The following CD2AP variants were observed in gnomAD, a reference collection of about 807,000 sequenced individuals.
CD2AP encodes the protein CD2 associated protein.
Under a neutral mutation model 85.1 loss-of-function variants are expected in CD2AP, and 46 were observed. The ratio of observed to expected loss-of-function variants is 0.54; its 90% CI spans 0.43 to 0.69. The LOEUF (loss-of-function observed/expected upper bound fraction) is 0.69. CD2AP is among the 30% of genes least tolerant of loss of function. The probability of loss-of-function intolerance (pLI) is 0.00; values close to 1 mark genes in which losing one functional copy is unlikely to be tolerated. For synonymous variants in CD2AP, 255 were observed against 252.9 expected (o/e 1.01, Z -0.08); for missense variants, 769 against 729.5 (o/e 1.05, Z -0.62).
chr6:47,564,933 C>T (rs1466847199), intron 5 of CD2AP, among the ~76,000 whole-genome samples: 2 of 152,022 alleles, frequency 1.3e-5, no homozygotes, highest in African/African-American at 4.8e-5. Flanking sequence ...TTTCTCCTCA[C>T]AGTCTTTTAA....
chr6:47,599,548 A>T, intron 13 of CD2AP, 105 bp downstream of exon 13: 5 of 1,006,134 alleles, frequency 5.0e-6, no homozygotes, highest in Non-Finnish European at 7.5e-6. Flanking sequence ...AGTTGGATAA[A>T]GTTGAAATTA....
intron 3 of CD2AP, among the ~76,000 whole-genome samples, chr6:47,541,668 A>G (rs556595104): frequency 6.6e-6 from 1 of 152,314 alleles, no homozygotes; most frequent in East Asian, 1.9e-4. Flanking sequence ...TTGATAAACA[A>G]TTTCGTAGAT....
At chr6:47,519,772 T>G (rs1318501023) in intron 2 of CD2AP, among the ~76,000 whole-genome samples, 2 of 152,218 alleles carry the variant, frequency 1.3e-5, no homozygotes, top group Non-Finnish European at 2.9e-5. Flanking sequence ...CAAATTTTTT[T>G]GAATACCTAT....
chr6:47,504,442 C>T (rs1313972353), intron 2 of CD2AP, among the ~76,000 whole-genome samples: 1 of 152,192 alleles, frequency 6.6e-6, no homozygotes, highest in African/African-American at 2.4e-5. Flanking sequence ...ATCCAGGAAA[C>T]ACCGTGGATA....
chr6:47,545,578 A>G (rs1767343724), intron 4 of CD2AP, among the ~76,000 whole-genome samples: 1 of 152,204 alleles, frequency 6.6e-6, no homozygotes, highest in Admixed American at 6.5e-5. Flanking sequence ...AGCCAGAGCT[A>G]AGGACCTTCA....
intron 5 of CD2AP, among the ~76,000 whole-genome samples, chr6:47,571,912 A>T (rs964009304): frequency 2.2e-4 from 33 of 151,746 alleles, no homozygotes; most frequent in Non-Finnish European, 5.9e-5. Context: ...TGCTTGCCAG[A>T]AAAAAAAATT....
At chr6:47,525,867 C>T (rs1475026350) in intron 2 of CD2AP, among the ~76,000 whole-genome samples, 2 of 151,984 alleles carry the variant, frequency 1.3e-5, no homozygotes, top group African/African-American at 4.8e-5. Context: ...ATTGACATTA[C>T]CTATTGTGCA....
At chr6:47,478,947 T>A (rs1190367705) in intron 1 of CD2AP, among the ~76,000 whole-genome samples, 1 of 152,312 alleles carries the variant, frequency 6.6e-6, no homozygotes, top group African/African-American at 2.4e-5. Context: ...AGGCCTTATA[T>A]GTTATTTACT....
chr6:47,588,538 A>AGGT (rs1422352635), intron 11 of CD2AP, among the ~76,000 whole-genome samples: 1 of 152,076 alleles, frequency 6.6e-6, no homozygotes, highest in African/African-American at 2.4e-5. Context: ...GGATAGTGGA[A>AGGT]GGTGGTATGG....
At chr6:47,488,302 G>A (rs1382430310) in intron 1 of CD2AP, among the ~76,000 whole-genome samples, 1 of 152,042 alleles carries the variant, frequency 6.6e-6, no homozygotes, top group South Asian at 2.1e-4. Flanking sequence ...CTTAATGTTT[G>A]AACTGTAAAA....
At chr6:47,486,749 A>G (rs948871821) in intron 1 of CD2AP, among the ~76,000 whole-genome samples, 5 of 152,212 alleles carry the variant, frequency 3.3e-5, no homozygotes, top group Admixed American at 2.0e-4. Flanking sequence ...AAATTTACCT[A>G]ACATCTAGAC....
At chr6:47,599,805 C>G (rs911424192) in intron 13 of CD2AP, among the ~76,000 whole-genome samples, 5 of 152,008 alleles carry the variant, frequency 3.3e-5, no homozygotes, top group African/African-American at 7.2e-5. Context: ...ACTTTCAGTG[C>G]CAGCATTAGA....
chr6:47,525,366 A>C (rs1766693876), intron 2 of CD2AP, among the ~76,000 whole-genome samples: 1 of 152,166 alleles, frequency 6.6e-6, no homozygotes, highest in Non-Finnish European at 1.5e-5. Flanking sequence ...TTAGATTTTA[A>C]TTAGCTTAAG....
intron 2 of CD2AP, among the ~76,000 whole-genome samples, chr6:47,507,197 C>A (rs963195151): frequency 1.3e-5 from 2 of 152,114 alleles, no homozygotes; most frequent in African/African-American, 4.8e-5. Flanking sequence ...CATCTTTATG[C>A]TTCACTTCTA....
intron 5 of CD2AP, among the ~76,000 whole-genome samples, chr6:47,555,412 G>GT (rs1394107965): frequency 6.6e-6 from 1 of 152,022 alleles, no homozygotes; most frequent in African/African-American, 2.4e-5. Context: ...ATAAGAATAT[G>GT]TTTTTCTCGA....
chr6:47,500,460 G>C (rs557128211), intron 1 of CD2AP, among the ~76,000 whole-genome samples: 1 of 152,156 alleles, frequency 6.6e-6, no homozygotes, highest in South Asian at 2.1e-4. Context: ...TTCTTGCCGG[G>C]TCCCTTATCA....
intron 11 of CD2AP, among the ~76,000 whole-genome samples, chr6:47,582,471 C>A (rs980264930): frequency 1.3e-5 from 2 of 152,078 alleles, no homozygotes; most frequent in Non-Finnish European, 2.9e-5. Context: ...ATAATGTAAA[C>A]CTGGAAAGTT....
intron 3 of CD2AP, among the ~76,000 whole-genome samples, chr6:47,539,581 A>T (rs950600973): frequency 6.6e-6 from 1 of 152,230 alleles, no homozygotes; most frequent in African/African-American, 2.4e-5. Context: ...CCAGAAATGG[A>T]TATAATTTTA....
chr6:47,542,851 A>G (rs889338605), intron 3 of CD2AP, among the ~76,000 whole-genome samples: 1 of 152,060 alleles, frequency 6.6e-6, no homozygotes, highest in African/African-American at 2.4e-5. Flanking sequence ...AGATTATTTA[A>G]TTTAGAAAGC....
Sources: allele counts gnomAD v4.1 joint callset (sites outside exome capture counted in the v4.1 genomes callset), GRCh38; gene constraint gnomAD v4.1.1; transcripts MANE v1.5; gene names NCBI Gene and HGNC (gene_info 2026-07-23, HGNC 2026-07-21).